GABRB3: variants seen among roughly 807,000 people sequenced by gnomAD.
GABRB3 encodes the protein gamma-aminobutyric acid receptor subunit beta-3.
GABRB3 carries 14 observed loss-of-function variants against 52.1 expected under a neutral mutation model. The ratio of observed to expected loss-of-function variants is 0.27; its 90% CI spans 0.18 to 0.42. The LOEUF (loss-of-function observed/expected upper bound fraction) is 0.42. GABRB3 is among the 10% of genes least tolerant of loss of function. GABRB3 has a pLI of 1.00. For missense variants in GABRB3, 307 were observed against 609.1 expected, an observed-to-expected ratio of 0.50 and a Z score of 5.22; for synonymous variants, 260 against 232.3, an observed-to-expected ratio of 1.12 and a Z score of -1.08.
At chr15:26,620,894 C>T (rs548493643) in intron 4 of GABRB3, among the ~76,000 whole-genome samples, 6 of 152,240 alleles carry the variant, frequency 3.9e-5, no homozygotes, top group African/African-American at 1.2e-4. Flanking sequence ...AATAAAGCTC[C>T]GTAGAGAGTA....
chr15:26,636,548 T>G (rs2140566015), intron 3 of GABRB3, among the ~76,000 whole-genome samples: 1 of 152,210 alleles, frequency 6.6e-6, no homozygotes, highest in South Asian at 2.1e-4. Flanking sequence ...CTTCTCTATC[T>G]GCACTCCCTC....
intron 3 of GABRB3, among the ~76,000 whole-genome samples, chr15:26,654,405 C>T (rs1250667266): frequency 6.6e-6 from 1 of 152,132 alleles, no homozygotes; most frequent in African/African-American, 2.4e-5. Flanking sequence ...CTTGGCCTCC[C>T]AAAGTGCTGG....
intron 3 of GABRB3, among the ~76,000 whole-genome samples, chr15:26,645,979 AAC>A (rs1057092150): frequency 4.3e-4 from 66 of 152,212 alleles, no homozygotes; most frequent in Non-Finnish European, 7.8e-4. Flanking sequence ...CCAAAAAAAA[AAC>A]AATATATGAA....
At chr15:26,744,860 T>A (rs1192537102) in intron 3 of GABRB3, among the ~76,000 whole-genome samples, 1 of 152,206 alleles carries the variant, frequency 6.6e-6, no homozygotes, top group Non-Finnish European at 1.5e-5. Flanking sequence ...AGTGTATACG[T>A]GTGTGTGTTT....
At chr15:26,616,585 T>A (rs1437120308) in intron 4 of GABRB3, among the ~76,000 whole-genome samples, 1 of 148,680 alleles carries the variant, frequency 6.7e-6, no homozygotes, top group African/African-American at 2.5e-5. Flanking sequence ...AGCTAAGGAG[T>A]ATACCTATAC....
chr15:26,609,035 G>A (rs1891949854), intron 4 of GABRB3, among the ~76,000 whole-genome samples: 1 of 149,620 alleles, frequency 6.7e-6, no homozygotes, highest in Admixed American at 6.7e-5. Context: ...GCCATGTTAT[G>A]GAATCAACCT....
At chr15:26,581,514 T>C (rs1595457517) in intron 5 of GABRB3, among the ~76,000 whole-genome samples, 1 of 152,312 alleles carries the variant, frequency 6.6e-6, no homozygotes, top group East Asian at 1.9e-4. Context: ...AAATTATTAA[T>C]AGCAAAACAA....
chr15:26,660,102 C>G (rs1018379557), intron 3 of GABRB3, among the ~76,000 whole-genome samples: 2 of 151,950 alleles, frequency 1.3e-5, no homozygotes, highest in African/African-American at 4.8e-5. Flanking sequence ...TGGTGGCACG[C>G]CCCTGTAATC....
intron 3 of GABRB3, among the ~76,000 whole-genome samples, chr15:26,669,444 T>C (rs1299912367): frequency 1.3e-5 from 2 of 152,202 alleles, no homozygotes; most frequent in East Asian, 1.9e-4. Context: ...ACCTAGCACA[T>C]TGTCTGCCAT....
intron 4 of GABRB3, among the ~76,000 whole-genome samples, chr15:26,602,622 T>C (rs1016608622): frequency 1.3e-5 from 2 of 151,952 alleles, no homozygotes; most frequent in Non-Finnish European, 2.9e-5. Flanking sequence ...TTGGAAACTA[T>C]ATAAGCACAC....
At chr15:26,740,653 G>C (rs532846687) in intron 3 of GABRB3, among the ~76,000 whole-genome samples, 1 of 152,118 alleles carries the variant, frequency 6.6e-6, no homozygotes, top group Admixed American at 6.5e-5. Context: ...GCTGAGGCTT[G>C]GCTCTCCCTC....
chr15:26,585,706 A>G (rs73368315), intron 4 of GABRB3, among the ~76,000 whole-genome samples: 4,176 of 152,336 alleles, frequency 0.027, 207 homozygotes, highest in African/African-American at 0.094. Context: ...TCCAAATGTC[A>G]TAACACTTCC....
intron 3 of GABRB3, among the ~76,000 whole-genome samples, chr15:26,727,650 G>T (rs1198022980): frequency 6.6e-6 from 1 of 152,198 alleles, no homozygotes; most frequent in Non-Finnish European, 1.5e-5. Flanking sequence ...AGGAAGCCAG[G>T]TATGCTCAAA....
At chr15:26,628,404 C>T (rs1471215165) in intron 3 of GABRB3, among the ~76,000 whole-genome samples, 4 of 152,110 alleles carry the variant, frequency 2.6e-5, no homozygotes, top group Non-Finnish European at 5.9e-5. Context: ...GTGGCAGAGA[C>T]AATAATTGCA....
chr15:26,554,021 T>TTATATATATATATATATATATATATATA (rs1218959912), intron 8 of GABRB3, among the ~76,000 whole-genome samples: 2 of 23,682 alleles, frequency 8.4e-5, no homozygotes, highest in African/African-American at 3.6e-4. Flanking sequence ...ACCTGACTAT[T>TTATATATATATATATATATATATATATA]TATATATATA....
chr15:26,584,641 A>G (rs1890912446), intron 4 of GABRB3, among the ~76,000 whole-genome samples: 1 of 152,258 alleles, frequency 6.6e-6, no homozygotes, highest in African/African-American at 2.4e-5. Flanking sequence ...GCAATGGTTA[A>G]GCCAACCCTA....
chr15:26,564,113 A>G (rs553329300), intron 7 of GABRB3, among the ~76,000 whole-genome samples: 5 of 152,086 alleles, frequency 3.3e-5, no homozygotes, highest in Non-Finnish European at 5.9e-5. Flanking sequence ...GAGCACCTCC[A>G]TGGTGCTCAA....
At chr15:26,655,615 G>A (rs896179746) in intron 3 of GABRB3, among the ~76,000 whole-genome samples, 10 of 152,024 alleles carry the variant, frequency 6.6e-5, no homozygotes, top group South Asian at 2.1e-4. Flanking sequence ...GGTGGCGGGC[G>A]CCTGTAGTCC....
At chr15:26,660,153 C>T (rs1887494995) in intron 3 of GABRB3, among the ~76,000 whole-genome samples, 1 of 151,904 alleles carries the variant, frequency 6.6e-6, no homozygotes, top group Non-Finnish European at 1.5e-5. Flanking sequence ...TTGCTTGAAC[C>T]CGGGAGGTGG....
Sources: allele counts gnomAD v4.1 joint callset (sites outside exome capture counted in the v4.1 genomes callset), GRCh38; gene constraint gnomAD v4.1.1; transcripts MANE v1.5; gene names NCBI Gene and HGNC (gene_info 2026-07-23, HGNC 2026-07-21).